Variants in RNF180 observed in about 807,000 individuals in gnomAD.
The protein encoded by RNF180 is E3 ubiquitin-protein ligase RNF180.
Under a neutral mutation model 59.2 loss-of-function variants are expected in RNF180, and 38 were observed. The ratio of observed to expected loss-of-function variants is 0.64; its 90% confidence interval spans 0.50 to 0.84. RNF180 has a LOEUF of 0.84. Among genes scored for constraint, RNF180 ranks in the 40% least tolerant of loss-of-function variants. The probability of loss-of-function intolerance (pLI) is 0.00; values close to 1 mark genes in which losing one functional copy is unlikely to be tolerated. For synonymous variants in RNF180, 262 were observed against 240.3 expected, an observed-to-expected ratio of 1.09 and a Z score of -0.84; for missense variants, 705 against 700.9, an observed-to-expected ratio of 1.01 and a Z score of -0.07.
rs752473967 is a variant in RNF180, at chr5:64,330,383, GA to G, written c.1560del (p.Ala521HisfsTer46). The G allele has an allele frequency of 2.7e-5, 41 of 1,537,224 alleles. No individual in the cohort carries two copies. The highest frequency in any genetic ancestry group is 3.3e-5 in the Non-Finnish European group (38 of 1,143,856). The stretch of plus-strand genomic sequence containing the variant: ...GCAAAATGGCCCCTACCAAGCTGCA[GA>G]AAAGCATTTCATCTTTTTGGAGGTA... ...NSAKWPLPSC[R>X]KAFHLFGGFR... On this transcript the variant is annotated frameshift_variant, in exon 7 of 8. Transcript: ENST00000389100. LOFTEE classifies it high-confidence loss of function.
In RNF180 at chr5:64,172,499, A is replaced by G. The variant is rs549032337; in HGVS notation, c.-1+6546A>G. 3.3e-5 allele frequency among the ~76,000 whole-genome samples: 5 copies of G among 152,320 alleles called. No individual in the cohort carries two copies. The East Asian group carries it at 7.7e-4, about 23-fold the overall frequency. ...AATATGCAACTAACTCTACTAACATATTAAGTTGTCTCTTAGTTCTGGGCC... is the reference window on the plus strand; with the variant it reads ...AATATGCAACTAACTCTACTAACATGTTAAGTTGTCTCTTAGTTCTGGGCC... On this transcript the variant is annotated intron_variant, in intron 1 of 7. Coordinates refer to ENST00000389100, the MANE Select transcript of RNF180 (RefSeq NM_001113561.2).
At chr5:64,242,338 G>A (rs534986795) in intron 5 of RNF180, among the ~76,000 whole-genome samples, 1 of 152,272 alleles carries the variant, frequency 6.6e-6, no homozygotes, top group Admixed American at 6.5e-5. Flanking sequence ...CAGAGATCAA[G>A]AACAATCAGA....
chr5:64,307,660 ATAGCT>A (rs1478758538), intron 5 of RNF180, among the ~76,000 whole-genome samples: 2 of 151,764 alleles, frequency 1.3e-5, no homozygotes, highest in African/African-American at 4.8e-5. Flanking sequence ...ATCAAACAAC[ATAGCT>A]TAGCCTAGTC....
In RNF180 at chr5:64,217,362, G is replaced by A; in HGVS notation, c.1193G>A (p.Gly398Asp). 4 of 1,406,248 alleles carry A rather than the reference G, an allele frequency of 2.8e-6. No homozygotes were observed. Among genetic ancestry groups the A allele is most frequent in the Non-Finnish European group, 2.8e-6 (3 of 1,075,414 alleles). The allele number at this position is 1,406,248 out of a possible 1,614,324, so 87.1% of individuals were successfully genotyped here. A position where few individuals can be genotyped will look rare whatever the true frequency, so the allele number is the denominator to read the frequency against. The change falls in exon 5 of 8, where the codon GGT becomes GAT. Residue 398 changes from glycine (G) to aspartate (D), a missense_variant and splice_region_variant. By Grantham distance (94) the Gly-to-Asp change is moderately conservative. Transcript: ENST00000389100. The stretch of plus-strand genomic sequence containing the variant: ...GAACCTAATTTTTTATTTCTCTAGG[G>A]TAAATACTCAGGAGTGGGATTGCTG... ...RRRERWLQKQ[G>D]KYSGVGLLDH...
Position 64,213,895 on chromosome 5 carries a change from A to G in RNF180, c.569A>G (p.Tyr190Cys), listed in dbSNP as rs760787222. 8 of 1,614,006 alleles carry G rather than the reference A, an allele frequency of 5.0e-6. No individual in the cohort carries two copies. Among genetic ancestry groups the G allele is most frequent in the East Asian group, 2.2e-5 (1 of 44,900 alleles). Residue 190 changes from tyrosine (Y) to cysteine (C), a missense_variant, in exon 4 of 8, where the codon TAT (tyrosine) becomes TGT (cysteine). Physicochemically the swap from Tyr to Cys is radical, Grantham distance 194 (BLOSUM62 -2). Transcript: ENST00000389100. The stretch of plus-strand genomic sequence containing the variant: ...CTCTGCCTGGAGGTGCGACCAACAT[A>G]TTTTGAGATGAAGAACGAAAAACTG... ...EALCLEVRPTYFEMKNEKLLS... is the reference protein window; with the variant it reads ...EALCLEVRPTCFEMKNEKLLS...
At chr5:64,232,772 G>T (rs1334104538) in intron 5 of RNF180, among the ~76,000 whole-genome samples, 1 of 152,218 alleles carries the variant, frequency 6.6e-6, no homozygotes, top group Non-Finnish European at 1.5e-5. Flanking sequence ...AGTGTCTACT[G>T]TGTGCCAGGT....
intron 1 of RNF180, among the ~76,000 whole-genome samples, chr5:64,182,417 G>A (rs1750648883): frequency 6.6e-6 from 1 of 152,148 alleles, no homozygotes; most frequent in Admixed American, 6.5e-5. Flanking sequence ...TAACAGTCAT[G>A]AGTAACTTCA....
intron 1 of RNF180, among the ~76,000 whole-genome samples, chr5:64,187,660 G>A (rs1222214509): frequency 6.6e-6 from 1 of 152,158 alleles, no homozygotes; most frequent in East Asian, 1.9e-4. Flanking sequence ...TATTTGTGTA[G>A]ATGAAGTATC....
At chr5:64,349,547 A>C (rs1745700224) in intron 7 of RNF180, among the ~76,000 whole-genome samples, 1 of 151,866 alleles carries the variant, frequency 6.6e-6, no homozygotes, top group African/African-American at 2.4e-5. Flanking sequence ...CATCATTTAC[A>C]TTAGGTATAT....
At chr5:64,295,343 A>G (rs1742826499) in intron 5 of RNF180, among the ~76,000 whole-genome samples, 1 of 152,170 alleles carries the variant, frequency 6.6e-6, no homozygotes, top group African/African-American at 2.4e-5. Context: ...ATGAGATGCA[A>G]TGAGACCTAG....
intron 1 of RNF180, among the ~76,000 whole-genome samples, chr5:64,186,796 C>G (rs1415114570): frequency 1.3e-5 from 2 of 152,142 alleles, no homozygotes; most frequent in Admixed American, 1.3e-4. Context: ...CTTGTATACT[C>G]ATCATATGAT....
chr5:64,287,117 C>T (rs1335404481), intron 5 of RNF180, among the ~76,000 whole-genome samples: 1 of 152,120 alleles, frequency 6.6e-6, no homozygotes, highest in Non-Finnish European at 1.5e-5. Context: ...CAGGCACCTG[C>T]CACCACACCT....
rs561261530 is a variant in RNF180 at position 64,240,658 on chromosome 5, C to A, written c.1227+23262C>A. On this transcript the variant is annotated intron_variant, in intron 5 of 7. Transcript: ENST00000389100. ...CAGGTGGCATCACTGATTACTTACC[C>A]CCTCATTCACTCTCCTATACCTATA... 5.9e-5 allele frequency among the ~76,000 whole-genome samples: 9 copies of A among 152,206 alleles called. No individual in the cohort carries two copies. The South Asian group carries it at 1.7e-3, about 28-fold the overall frequency.
At chr5:64,310,918 C>T (rs1580226488) in intron 5 of RNF180, among the ~76,000 whole-genome samples, 1 of 152,034 alleles carries the variant, frequency 6.6e-6, no homozygotes, top group East Asian at 1.9e-4. Context: ...ACCTAATTCA[C>T]AGGAACTCTG....
intron 7 of RNF180, among the ~76,000 whole-genome samples, chr5:64,368,799 G>A (rs1223141056): frequency 6.6e-6 from 1 of 151,910 alleles, no homozygotes; most frequent in Non-Finnish European, 1.5e-5. Flanking sequence ...TCATTAAAAA[G>A]TCAGGAAACA....
Position 64,256,186 on chromosome 5 carries a change from C to A in RNF180, c.1227+38790C>A, listed in dbSNP as rs544580426. Among the ~76,000 whole-genome samples the A allele has an allele frequency of 9.1e-3, 1,378 of 152,218 alleles. 19 individuals carry two copies. The highest frequency in any genetic ancestry group is 0.032 in the African/African-American group (1,313 of 41,520). ...TCTGATGGTAGTTTCTTTTGCTGTG[C>A]AGAAGCTCCTTAGTTTAATTAGATC... On this transcript the variant is annotated intron_variant, in intron 5 of 7. Coordinates refer to ENST00000389100, the MANE Select transcript of RNF180 (RefSeq NM_001113561.2).
intron 5 of RNF180, among the ~76,000 whole-genome samples, chr5:64,246,157 A>G (rs765597199): frequency 6.6e-6 from 1 of 152,198 alleles, no homozygotes; most frequent in Non-Finnish European, 1.5e-5. Flanking sequence ...TGTCCACAGG[A>G]GAAAGTGGGA....
At chr5:64,235,113 C>CAA (rs912505587) in intron 5 of RNF180, among the ~76,000 whole-genome samples, 1 of 151,722 alleles carries the variant, frequency 6.6e-6, no homozygotes, top group Non-Finnish European at 1.5e-5. Flanking sequence ...CCAGTTTCTA[C>CAA]AAAAAAACAA....
chr5:64,289,942 C>T (rs1160425753), intron 5 of RNF180, among the ~76,000 whole-genome samples: 1 of 151,950 alleles, frequency 6.6e-6, no homozygotes, highest in South Asian at 2.1e-4. Context: ...GGTTTGTTTG[C>T]TCTTGGTTCT....
Sources: allele counts gnomAD v4.1 joint callset (sites outside exome capture counted in the v4.1 genomes callset), GRCh38; gene constraint gnomAD v4.1.1; transcripts MANE v1.5; gene names NCBI Gene and HGNC (gene_info 2026-07-23, HGNC 2026-07-21).